The following MFHAS1 variants were observed in gnomAD, a reference collection of about 807,000 sequenced individuals.
The protein encoded by MFHAS1 is malignant fibrous histiocytoma-amplified sequence 1.
A neutral mutation model predicts 70.4 loss-of-function variants in MFHAS1; 50 were observed. The ratio of observed to expected loss-of-function variants is 0.71; its 90% confidence interval spans 0.57 to 0.90. The LOEUF (loss-of-function observed/expected upper bound fraction) is 0.90. MFHAS1 is among the 40% of genes least tolerant of loss of function. The probability of loss-of-function intolerance (pLI) is 0.00; values close to 1 mark genes in which losing one functional copy is unlikely to be tolerated. For synonymous variants in MFHAS1, 952 were observed against 620.0 expected (o/e 1.54, Z -7.96); for missense variants, 1,795 against 1,347.6 (o/e 1.33, Z -5.20).
chr8:8,874,287 T>C (rs755297417), intron 1 of MFHAS1, among the ~76,000 whole-genome samples: 23 of 151,492 alleles, frequency 1.5e-4, no homozygotes, highest in Non-Finnish European at 2.1e-4. Context: ...ATACATCCAT[T>C]GGTAGACTAC....
In MFHAS1 at chr8:8,797,409, G is replaced by T. The variant is rs747178554; in HGVS notation, c.3081C>A (p.Ala1027=). Residue 1027 remains alanine (A), a synonymous_variant, in exon 2 of 3, where the codon GCC becomes GCA. Coordinates refer to ENST00000276282, the MANE Select transcript of MFHAS1 (RefSeq NM_004225.3). ...PKNGSERVNV[A]LVYPPTPTVI... The stretch of plus-strand genomic sequence containing the variant: ...CAGTCGGCGTGGGTGGGTAAACCAA[G>T]GCAACATTTACTCGCTCGCTGCCGT... 3 of 1,614,016 alleles carry T rather than the reference G, an allele frequency of 1.9e-6. No individual in the cohort carries two copies. The highest frequency in any genetic ancestry group is 2.2e-5 in the South Asian group (2 of 91,076).
chr8:8,850,206 G>A (rs1808190804), intron 1 of MFHAS1, among the ~76,000 whole-genome samples: 1 of 152,124 alleles, frequency 6.6e-6, no homozygotes, highest in African/African-American at 2.4e-5. Context: ...TACACCCCTT[G>A]TAAACTATTA....
intron 1 of MFHAS1, among the ~76,000 whole-genome samples, chr8:8,816,208 T>C (rs1806739251): frequency 6.6e-6 from 1 of 152,154 alleles, no homozygotes; most frequent in South Asian, 2.1e-4. Context: ...ATGGACATAC[T>C]CATGATGGGG....
At chr8:8,881,098 C>A (rs72626639) in intron 1 of MFHAS1, among the ~76,000 whole-genome samples, 1 of 151,978 alleles carries the variant, frequency 6.6e-6, no homozygotes, top group Non-Finnish European at 1.5e-5. Context: ...CCTGCTCCAA[C>A]GTGCACTTTT....
intron 1 of MFHAS1, among the ~76,000 whole-genome samples, chr8:8,865,895 G>A (rs1808837349): frequency 1.3e-5 from 2 of 152,132 alleles, no homozygotes; most frequent in African/African-American, 2.4e-5. Context: ...ACTAGGGCAG[G>A]GATTACTGCA....
At chr8:8,813,922 G>T (rs1052824585) in intron 1 of MFHAS1, among the ~76,000 whole-genome samples, 1 of 151,072 alleles carries the variant, frequency 6.6e-6, no homozygotes, top group Admixed American at 6.6e-5. Flanking sequence ...CTACACAGGT[G>T]TATACCACAT....
At chr8:8,806,819 G>A (rs1175663689) in intron 1 of MFHAS1, among the ~76,000 whole-genome samples, 1 of 152,076 alleles carries the variant, frequency 6.6e-6, no homozygotes, top group Admixed American at 6.6e-5. Flanking sequence ...AAATTAGCCA[G>A]GCGAGGTGGT....
chr8:8,891,022 C>CA lies in MFHAS1; in HGVS notation c.2036dup (p.Trp680ValfsTer30). 6.2e-7 allele frequency: 1 copy of CA among 1,613,834 alleles called. No individual in the cohort carries two copies. The highest frequency in any genetic ancestry group is 8.5e-7 in the Non-Finnish European group (1 of 1,179,932). On this transcript the variant is annotated frameshift_variant, in exon 1 of 3. Coordinates refer to ENST00000276282, the MANE Select transcript of MFHAS1 (RefSeq NM_004225.3). LOFTEE classifies it high-confidence loss of function. The surrounding 1 kb of genome is among the most constrained non-coding windows in gnomAD (Gnocchi z 5.4). Reference sequence around the variant, plus strand: ...GCGCCGAGTCCCACCAGCTTAGCCACAGTCGCTGGGCCTGAGGTGGCTGGA... The same window carrying CA: ...GCGCCGAGTCCCACCAGCTTAGCCACAAGTCGCTGGGCCTGAGGTGGCTGGA...
Position 8,797,423 on chromosome 8 carries a change from G to C in MFHAS1, c.3067C>G (p.Arg1023Gly), listed in dbSNP as rs769753343. The change falls in exon 2 of 3, where the codon CGA (arginine) becomes GGA (glycine). Residue 1023 changes from arginine to glycine, a missense_variant. Transcript: ENST00000276282. ...EIICPKNGSE[R>G]VNVALVYPPT... ...GGGTAAACCAAGGCAACATTTACTC[G>C]CTCGCTGCCGTTCTTGGGGCAAATG... The C allele has an allele frequency of 1.2e-6, 2 of 1,614,082 alleles. No individual in the cohort carries two copies. The highest frequency in any genetic ancestry group is 1.7e-6 in the Non-Finnish European group (2 of 1,180,000).
intron 1 of MFHAS1, among the ~76,000 whole-genome samples, chr8:8,830,678 G>T (rs952344121): frequency 8.5e-5 from 13 of 152,132 alleles, no homozygotes; most frequent in African/African-American, 3.1e-4. Flanking sequence ...TCTTGGCTCA[G>T]TGCAACCTCC....
At chr8:8,828,611 G>C (rs533199816) in intron 1 of MFHAS1, among the ~76,000 whole-genome samples, 9 of 152,318 alleles carry the variant, frequency 5.9e-5, no homozygotes, top group African/African-American at 2.2e-4. Context: ...CCACTCCACG[G>C]AGGAAAAACG....
chr8:8,862,588 A>T (rs1163362418), intron 1 of MFHAS1, among the ~76,000 whole-genome samples: 1 of 152,184 alleles, frequency 6.6e-6, no homozygotes, highest in Non-Finnish European at 1.5e-5. Flanking sequence ...GGTGATGAAC[A>T]GGCAGAGCTC....
At chr8:8,843,292 A>T (rs955661299) in intron 1 of MFHAS1, among the ~76,000 whole-genome samples, 1 of 151,744 alleles carries the variant, frequency 6.6e-6, no homozygotes, top group African/African-American at 2.4e-5. Flanking sequence ...AAAAAAAGAA[A>T]GCGAAAGAGG....
chr8:8,801,700 A>T (rs1806089270), intron 1 of MFHAS1, among the ~76,000 whole-genome samples: 1 of 152,240 alleles, frequency 6.6e-6, no homozygotes, highest in Non-Finnish European at 1.5e-5. Flanking sequence ...TATTTCACTG[A>T]GTAACTAACT....
chr8:8,824,711 A>T (rs1807092435), intron 1 of MFHAS1, among the ~76,000 whole-genome samples: 1 of 152,232 alleles, frequency 6.6e-6, no homozygotes. Flanking sequence ...TTTGTAGTCC[A>T]GATGGGTTTA....
rs563474482 is a variant in MFHAS1 at position 8,814,945 on chromosome 8, T to G, written c.2999-17454A>C. Among the ~76,000 whole-genome samples, 7 of 151,860 alleles carry G rather than the reference T, an allele frequency of 4.6e-5. 1 individual carries two copies. The highest frequency in any genetic ancestry group is 1.7e-4 in the African/African-American group (7 of 41,422). The stretch of plus-strand genomic sequence containing the variant: ...GTAAACGTGTGCCATGGGAGTTTGC[T>G]GCATAGATCAACCCATCACCTAGGT... On this transcript the variant is annotated intron_variant, in intron 1 of 2. Coordinates refer to ENST00000276282, the MANE Select transcript of MFHAS1 (RefSeq NM_004225.3).
chr8:8,830,811 G>T (rs1052728280), intron 1 of MFHAS1, among the ~76,000 whole-genome samples: 1 of 152,198 alleles, frequency 6.6e-6, no homozygotes, highest in African/African-American at 2.4e-5. Context: ...TTGGCAGGCT[G>T]GTCTCAAACT....
At chr8:8,814,314 T>C (rs1806656750) in intron 1 of MFHAS1, among the ~76,000 whole-genome samples, 1 of 152,174 alleles carries the variant, frequency 6.6e-6, no homozygotes, top group African/African-American at 2.4e-5. Flanking sequence ...CCATCGTTGT[T>C]ACAATGGTCA....
At chr8:8,881,941 A>G (rs1241388230) in intron 1 of MFHAS1, among the ~76,000 whole-genome samples, 1 of 152,062 alleles carries the variant, frequency 6.6e-6, no homozygotes, top group Admixed American at 6.5e-5. Flanking sequence ...TTAAATGCAC[A>G]TTTGCATCCT....
Sources: gnomAD v4.1 joint callset for allele counts (sites outside exome capture counted in the v4.1 genomes callset) on GRCh38, gnomAD v4.1.1 for gene constraint, Gnocchi (gnomAD v3.1) non-coding constraint, MANE v1.5 for transcripts, NCBI Gene and HGNC (gene_info 2026-07-23, HGNC 2026-07-21) for gene names.